TAX1BP3: variants seen among roughly 807,000 people sequenced by gnomAD.
TAX1BP3 encodes Tax1 binding protein 3.
In TAX1BP3, 13 loss-of-function variants were observed where a neutral mutation model predicts 15.3. That is an observed-to-expected ratio of 0.85 (90% CI 0.55 to 1.35). The LOEUF is 1.35. Ranked by LOEUF, TAX1BP3 falls within the 40% of genes most tolerant of loss-of-function variation. The probability of loss-of-function intolerance (pLI) is 0.00; values close to 1 mark genes in which losing one functional copy is unlikely to be tolerated. For missense variants in TAX1BP3, 147 were observed against 169.6 expected (o/e 0.87, Z 0.74); for synonymous variants, 70 against 66.0 (o/e 1.06, Z -0.30).
Position 3,668,297 on chromosome 17 carries a change from G to A in TAX1BP3, c.39+191C>T, listed in dbSNP as rs1009211895. 1.3e-5 allele frequency among the ~76,000 whole-genome samples: 2 copies of A among 152,200 alleles called. No individual in the cohort carries two copies. Among genetic ancestry groups the A allele is most frequent in the Non-Finnish European group, 2.9e-5 (2 of 68,036 alleles). ...GTCCAGGGTCTCGGGAGGCTCTCGG[G>A]TCCCGGCCATCCCTGTTTCGTGGCT... On this transcript the variant is annotated intron_variant, in intron 1 of 3. Transcript: ENST00000225525. The surrounding 1 kb of genome is among the most constrained non-coding windows in gnomAD (Gnocchi z 4.1).
intron 1 of TAX1BP3, among the ~76,000 whole-genome samples, chr17:3,666,858 GCTC>G (rs2076344452): frequency 6.6e-6 from 1 of 152,194 alleles, no homozygotes; most frequent in African/African-American, 2.4e-5. Flanking sequence ...CCCAAACTGA[GCTC>G]CTCCAGGCCT....
chr17:3,667,291 C>G (rs566913280), intron 1 of TAX1BP3, among the ~76,000 whole-genome samples: 1 of 148,782 alleles, frequency 6.7e-6, no homozygotes, highest in African/African-American at 2.5e-5. Context: ...TGCAATGAAC[C>G]GAGATCGCGC....
At position 3,668,578 on chromosome 17, in the gene TAX1BP3, T is replaced by C. The variant is rs533055323; in HGVS notation, c.-52A>G. The C allele has an allele frequency of 2.6e-6, 4 of 1,558,458 alleles. No homozygotes were observed. Among genetic ancestry groups the C allele is most frequent in the Middle Eastern group, 1.7e-4 (1 of 5,860 alleles). ...CCGCTCCGAGAAGCCGGCAGCAGAG[T>C]ACCCGCGGTCGCGCCCTCGCTGCTT... is the stretch of plus-strand genomic sequence containing the variant. On this transcript the variant is annotated 5_prime_UTR_variant, in exon 1 of 4. Coordinates refer to ENST00000225525, the MANE Select transcript of TAX1BP3 (RefSeq NM_014604.4). The surrounding 1 kb of genome is among the most constrained non-coding windows in gnomAD (Gnocchi z 4.1).
chr17:3,664,552 T>C (rs1384889381), intron 2 of TAX1BP3, 127 bp downstream of exon 2: 5 of 1,352,210 alleles, frequency 3.7e-6, no homozygotes, highest in South Asian at 3.6e-5. Flanking sequence ...TCACTTCCGA[T>C]GCCTTCTTAG....
Position 3,663,975 on chromosome 17 carries a change from T to C in TAX1BP3, c.238-90A>G, listed in dbSNP as rs983662722. 4.6e-6 allele frequency: 7 copies of C among 1,529,722 alleles called. No homozygotes were observed. The African/African-American group carries it at 8.2e-5, about 18-fold the overall frequency. The allele number at this position is 1,529,722 out of a possible 1,614,324, so 94.8% of individuals were successfully genotyped here. On this transcript the variant is annotated intron_variant, in intron 3 of 3. Coordinates refer to ENST00000225525, the MANE Select transcript of TAX1BP3 (RefSeq NM_014604.4). ...GCTTTGGGGGCCCAGGTCATTCAAG[T>C]AGGCCCCCAGCCTAACATCCCAGGG...
chr17:3,665,089 C>A, intron 1 of TAX1BP3: 1 of 692,244 alleles, frequency 1.4e-6, no homozygotes, highest in Non-Finnish European at 2.6e-6. Flanking sequence ...AGTCCAGGTG[C>A]TGTGGCTTCT....
At position 3,665,744 on chromosome 17, in the gene TAX1BP3, A is replaced by G. The variant is rs112758760; in HGVS notation, c.40-946T>C. On this transcript the variant is annotated intron_variant, in intron 1 of 3. Transcript: ENST00000225525. ...AAAAATAAAGGATCTCTGGGCTCCA[A>G]AAAAAAAAAAAAAAAAAAAAAGAAA... 31 of 472,732 alleles carry G rather than the reference A, an allele frequency of 6.6e-5. 2 individuals carry two copies. The highest frequency in any genetic ancestry group is 5.7e-4 in the South Asian group (27 of 47,464). The allele number at this position is 472,732 out of a possible 1,614,324, so 29.3% of individuals were successfully genotyped here.
chr17:3,667,941 A>G (rs993248970), intron 1 of TAX1BP3, among the ~76,000 whole-genome samples: 1 of 152,346 alleles, frequency 6.6e-6, no homozygotes, highest in East Asian at 1.9e-4. Context: ...CGAAGAGGAA[A>G]CGCTCATCGC....
intron 1 of TAX1BP3, among the ~76,000 whole-genome samples, chr17:3,667,747 G>A (rs763516231): frequency 7.7e-4 from 117 of 152,300 alleles, no homozygotes; most frequent in Non-Finnish European, 1.2e-3. Context: ...TGACACCGGC[G>A]TCTGAGTCTA....
chr17:3,666,443 G>C (rs906493043), intron 1 of TAX1BP3, among the ~76,000 whole-genome samples: 86 of 152,158 alleles, frequency 5.7e-4, no homozygotes, highest in African/African-American at 2.0e-3. Flanking sequence ...GAGGAGTCAA[G>C]AGGAGCACCC....
chr17:3,668,459 C>G lies in TAX1BP3; in HGVS notation c.39+29G>C, dbSNP rs760519536. On this transcript the variant is annotated intron_variant, in intron 1 of 3. Coordinates refer to ENST00000225525, the MANE Select transcript of TAX1BP3 (RefSeq NM_014604.4). The surrounding 1 kb of genome is among the most constrained non-coding windows in gnomAD (Gnocchi z 4.1). ...TCTGCGAGGTGGGGTCAGGCCAAGA[C>G]GAGGAGGAGCCCGCGCAAGCGCACT... 47 of 1,606,336 alleles carry G rather than the reference C, an allele frequency of 2.9e-5. No individual in the cohort carries two copies. Among genetic ancestry groups the G allele is most frequent in the Non-Finnish European group, 4.0e-5 (47 of 1,177,214 alleles).
intron 1 of TAX1BP3, among the ~76,000 whole-genome samples, chr17:3,667,850 CG>C (rs1341117934): frequency 6.6e-6 from 1 of 152,240 alleles, no homozygotes; most frequent in Non-Finnish European, 1.5e-5. Context: ...GGCTAGCCCC[CG>C]GAGGGTCTAC....
rs2076365225 is a variant in TAX1BP3 at position 3,668,414 on chromosome 17, T to C, written c.39+74A>G. 1.9e-6 allele frequency: 3 copies of C among 1,570,958 alleles called. No homozygotes were observed. Among genetic ancestry groups the C allele is most frequent in the East Asian group, 2.3e-5 (1 of 43,030 alleles). On this transcript the variant is annotated intron_variant, in intron 1 of 3. Coordinates refer to ENST00000225525, the MANE Select transcript of TAX1BP3 (RefSeq NM_014604.4). The surrounding 1 kb of genome is among the most constrained non-coding windows in gnomAD (Gnocchi z 4.1). The stretch of plus-strand genomic sequence containing the variant: ...CGGGTTCGATGCTCTGTCAACCTGC[T>C]TGGGGTGTCCGTTTCCCGCTCTGCG...
intron 1 of TAX1BP3, among the ~76,000 whole-genome samples, chr17:3,667,199 T>C (rs1325486089): frequency 3.3e-5 from 5 of 151,938 alleles, no homozygotes; most frequent in East Asian, 3.9e-4. Context: ...AAAAATTAGC[T>C]GGGCATGCTG....
intron 2 of TAX1BP3, 86 bp from the exon 3 acceptor site, chr17:3,664,358 G>C: frequency 6.7e-7 from 1 of 1,492,612 alleles, no homozygotes; most frequent in Non-Finnish European, 9.3e-7. Flanking sequence ...CACATTCTCA[G>C]CCGTCCCTCT....
chr17:3,666,875 C>G (rs1217816554), intron 1 of TAX1BP3, among the ~76,000 whole-genome samples: 1 of 152,208 alleles, frequency 6.6e-6, no homozygotes, highest in Non-Finnish European at 1.5e-5. Flanking sequence ...CAGGCCTGCT[C>G]TGCCGGCACG....
At chr17:3,664,039 G>A (rs1172001610) in intron 3 of TAX1BP3, among the ~76,000 whole-genome samples, 154 bp from the exon 4 acceptor site, 7 of 152,204 alleles carry the variant, frequency 4.6e-5, no homozygotes, top group African/African-American at 1.7e-4. Flanking sequence ...ACACACAGGA[G>A]AGAAAGCCAG....
At chr17:3,666,738 C>G (rs1384447833) in intron 1 of TAX1BP3, among the ~76,000 whole-genome samples, 1 of 152,106 alleles carries the variant, frequency 6.6e-6, no homozygotes, top group Non-Finnish European at 1.5e-5. Flanking sequence ...CCTGGTGTTA[C>G]CAGAATTAGG....
Position 3,663,808 on chromosome 17 carries a change from C to T in TAX1BP3, c.315G>A (p.Val105=). The change falls in exon 4 of 4, where the codon GTG becomes GTA. Residue 105 remains valine, a synonymous_variant. Transcript: ENST00000225525. ...GCGACTGCCGCGTCACCAGCAGACG[C>T]ACCACCTCCTCCGAGCGCTTGGTGA... ...KRLTKRSEEV[V]RLLVTRQSLQ... is the part of the protein sequence containing the mutation. 6.2e-7 allele frequency: 1 copy of T among 1,609,124 alleles called. No homozygotes were observed. Among genetic ancestry groups the T allele is most frequent in the South Asian group, 1.1e-5 (1 of 90,948 alleles).
Sources: allele counts gnomAD v4.1 joint callset (sites outside exome capture counted in the v4.1 genomes callset), GRCh38; gene constraint gnomAD v4.1.1; non-coding constraint Gnocchi (gnomAD v3.1); transcripts MANE v1.5; gene names NCBI Gene and HGNC (gene_info 2026-07-23, HGNC 2026-07-21).